Variants in ZWILCH observed in about 807,000 individuals in gnomAD.
The protein encoded by ZWILCH is protein zwilch homolog.
In ZWILCH, 74 loss-of-function variants were observed where a neutral mutation model predicts 79.9. That is an observed-to-expected ratio of 0.93 (90% CI 0.77 to 1.12). ZWILCH has a LOEUF of 1.12. Ranked by LOEUF, ZWILCH falls within the 50% of genes most tolerant of loss-of-function variation. The pLI, the probability that ZWILCH is intolerant of heterozygous loss-of-function variation, is 0.00. For synonymous variants in ZWILCH, 241 were observed against 228.2 expected, an observed-to-expected ratio of 1.06 and a Z score of -0.51; for missense variants, 694 against 687.5, an observed-to-expected ratio of 1.01 and a Z score of -0.11.
intron 7 of ZWILCH, 138 bp downstream of exon 7, chr15:66,521,343 G>A: frequency 1.1e-6 from 1 of 945,202 alleles, no homozygotes; most frequent in African/African-American, 1.6e-5. Flanking sequence ...GGCCCACCTT[G>A]CCACTAACGT....
At chr15:66,506,232 C>T (rs936188504) in intron 1 of ZWILCH, among the ~76,000 whole-genome samples, 3 of 152,028 alleles carry the variant, frequency 2.0e-5, no homozygotes, top group Admixed American at 1.3e-4. Context: ...AGTAGTGACG[C>T]TTGTAAACGT....
At chr15:66,537,669 C>T (rs563609996) in intron 16 of ZWILCH, among the ~76,000 whole-genome samples, 1 of 152,034 alleles carries the variant, frequency 6.6e-6, no homozygotes, top group Non-Finnish European at 1.5e-5. Flanking sequence ...CCAGCCTGGG[C>T]AACAAGAGTG....
chr15:66,513,957 G>A (rs1894163887), intron 2 of ZWILCH, 31 bp from the exon 3 acceptor site: 7 of 1,504,664 alleles, frequency 4.7e-6, no homozygotes, highest in Non-Finnish European at 5.5e-6. Context: ...ATAAGTGTAT[G>A]TATAATGTTG....
chr15:66,541,941 T>C (rs1895203215), intron 17 of ZWILCH, among the ~76,000 whole-genome samples: 1 of 152,198 alleles, frequency 6.6e-6, no homozygotes, highest in African/African-American at 2.4e-5. Flanking sequence ...GATTTAGGTA[T>C]AATGGAAATT....
intron 15 of ZWILCH, among the ~76,000 whole-genome samples, chr15:66,536,928 A>G (rs187995487): frequency 1.8e-4 from 28 of 152,230 alleles, no homozygotes; most frequent in Admixed American, 4.6e-4. Context: ...TTTATGAGAA[A>G]TATGTCTATT....
intron 2 of ZWILCH, among the ~76,000 whole-genome samples, chr15:66,511,300 A>G (rs1894052749): frequency 6.6e-6 from 1 of 152,104 alleles, no homozygotes; most frequent in African/African-American, 2.4e-5. Context: ...AGCCTGAGCA[A>G]TATGGTGAGA....
At chr15:66,544,724 T>TTTTTTTTTTTTTTTTGTGTGTG (rs145952622) in intron 17 of ZWILCH, among the ~76,000 whole-genome samples, 3 of 128,544 alleles carry the variant, frequency 2.3e-5, no homozygotes, top group East Asian at 2.5e-4. Context: ...TTTTTGGTTT[T>TTTTTTTTTTTTTTTTGTGTGTG]TGTGTGTGTG....
chr15:66,548,480 T>A lies in ZWILCH; in HGVS notation c.*156T>A. The stretch of plus-strand genomic sequence containing the variant: ...TTCTCTTATGAAGCTCCAAAATTGA[T>A]AATCCTGTCTCAGCTCTGCCTCCTC... On this transcript the variant is annotated 3_prime_UTR_variant, in exon 19 of 19. Transcript: ENST00000307897. 1.3e-6 allele frequency: 2 copies of A among 1,494,354 alleles called. No homozygotes were observed. 92.6% of individuals were successfully genotyped at this position (1,494,354 alleles called of 1,614,324 possible).
intron 18 of ZWILCH, chr15:66,547,196 T>TC (rs1895405906): frequency 7.5e-6 from 1 of 132,710 alleles, no homozygotes; most frequent in East Asian, 2.0e-4. Context: ...TTTTCTTTTT[T>TC]TTTTTTTTTT....
chr15:66,533,023 T>C lies in ZWILCH; in HGVS notation c.1341+10T>C, dbSNP rs1472617090. ...ATCTTTGAATCATTTGGTGAGTTTA[T>C]TTTTTTATTCTAAAATTGGTTTTTC... On this transcript the variant is annotated intron_variant, in intron 14 of 18. Transcript: ENST00000307897. 9 of 1,569,628 alleles carry C rather than the reference T, an allele frequency of 5.7e-6. No homozygotes were observed. Among genetic ancestry groups the C allele is most frequent in the Admixed American group, 1.8e-5 (1 of 56,676 alleles).
intron 12 of ZWILCH, among the ~76,000 whole-genome samples, chr15:66,530,778 C>G (rs1047511512): frequency 5.9e-5 from 9 of 152,266 alleles, no homozygotes; most frequent in Admixed American, 2.0e-4. Flanking sequence ...GGTAATATGA[C>G]TACCAATTCA....
intron 16 of ZWILCH, among the ~76,000 whole-genome samples, chr15:66,539,061 C>T (rs907474576): frequency 4.6e-5 from 7 of 152,120 alleles, no homozygotes; most frequent in Non-Finnish European, 1.0e-4. Flanking sequence ...ACTCTAAAGC[C>T]TAACACCTCA....
chr15:66,505,594 G>A (rs1000482133), intron 1 of ZWILCH: 19 of 597,868 alleles, frequency 3.2e-5, no homozygotes, highest in African/African-American at 3.1e-4. Context: ...AGGAGAAAAC[G>A]TGTACGTCAT....
At chr15:66,544,244 C>T (rs937857314) in intron 17 of ZWILCH, among the ~76,000 whole-genome samples, 36 of 145,196 alleles carry the variant, frequency 2.5e-4, no homozygotes, top group African/African-American at 8.7e-4. Context: ...GCAACAAGAG[C>T]GAAACTCCAT....
At chr15:66,541,115 CA>C (rs545912418) in intron 17 of ZWILCH, among the ~76,000 whole-genome samples, 330 of 118,402 alleles carry the variant, frequency 2.8e-3, no homozygotes, top group East Asian at 8.1e-3. Context: ...CCCATCTCTA[CA>C]AAAAAAAAAA....
intron 1 of ZWILCH, 172 bp downstream of exon 1, chr15:66,505,563 G>T (rs774693888): frequency 5.9e-6 from 4 of 679,382 alleles, no homozygotes; most frequent in Admixed American, 3.2e-5. Flanking sequence ...GGGGTTGACC[G>T]TGTGGGAGCT....
At chr15:66,547,792 T>C (rs1895434772) in intron 18 of ZWILCH, 1 of 152,190 alleles carries the variant, frequency 6.6e-6, no homozygotes, top group African/African-American at 2.4e-5. Flanking sequence ...AGATTTCTTT[T>C]CTTTTCTCTT....
At chr15:66,520,962 T>G in intron 6 of ZWILCH, 88 bp from the exon 7 acceptor site, 1 of 1,456,876 alleles carries the variant, frequency 6.9e-7, no homozygotes, top group African/African-American at 1.4e-5. Context: ...CTTTTTTCTT[T>G]TGGGACAAGG....
intron 1 of ZWILCH, chr15:66,505,838 G>T (rs1250131812): frequency 5.5e-6 from 1 of 180,520 alleles, no homozygotes; most frequent in African/African-American, 2.4e-5. Context: ...GCAGATTGGT[G>T]TGTTGCATTT....
Sources: gnomAD v4.1 joint callset for allele counts (sites outside exome capture counted in the v4.1 genomes callset) on GRCh38, gnomAD v4.1.1 for gene constraint, MANE v1.5 for transcripts, NCBI Gene and HGNC (gene_info 2026-07-23, HGNC 2026-07-21) for gene names.